The following CACNA1A variants were observed in gnomAD, a reference collection of about 807,000 sequenced individuals.
The protein encoded by CACNA1A is voltage-dependent P/Q-type calcium channel subunit alpha-1A.
A neutral mutation model predicts 262.4 loss-of-function variants in CACNA1A; 57 were observed. The ratio of observed to expected loss-of-function variants is 0.22; its 90% CI spans 0.18 to 0.27. The LOEUF (loss-of-function observed/expected upper bound fraction) is 0.27. Among genes scored for constraint, CACNA1A ranks in the 10% least tolerant of loss-of-function variants. CACNA1A has a pLI of 1.00. For synonymous variants in CACNA1A, 1,431 were observed against 1,419.3 expected, an observed-to-expected ratio of 1.01 and a Z score of -0.18; for missense variants, 2,526 against 3,562.8, an observed-to-expected ratio of 0.71 and a Z score of 7.41.
chr19:13,266,497 G>A (rs887635358), intron 24 of CACNA1A, among the ~76,000 whole-genome samples: 2 of 152,168 alleles, frequency 1.3e-5, no homozygotes, highest in Admixed American at 1.3e-4. Flanking sequence ...ACAATTGGGA[G>A]CATGTCTCCA....
chr19:13,247,511 G>A (rs1466306410), intron 30 of CACNA1A, among the ~76,000 whole-genome samples: 1 of 152,212 alleles, frequency 6.6e-6, no homozygotes, highest in African/African-American at 2.4e-5. Context: ...GGATAACATG[G>A]TGAATCCCCA....
intron 15 of CACNA1A, 92 bp downstream of exon 15, chr19:13,307,690 A>T (rs1391187413): frequency 2.0e-6 from 2 of 981,486 alleles, no homozygotes; most frequent in Admixed American, 1.9e-5. Context: ...GTAGAGAAGG[A>T]GGAGTTCAGG....
chr19:13,231,821 G>A lies in CACNA1A; in HGVS notation c.5289C>T (p.Ser1763=), dbSNP rs750255274. The A allele has an allele frequency of 6.2e-7, 1 of 1,613,690 alleles. No homozygotes were observed. Among genetic ancestry groups the A allele is most frequent in the African/African-American group, 1.3e-5 (1 of 74,916 alleles). The change falls in exon 35 of 47, where the codon TCC becomes TCT. Residue 1763 remains serine, a synonymous_variant. Transcript: ENST00000360228. The stretch of plus-strand genomic sequence containing the variant: ...TATCACACGGTTTCCCGCTGAGGCA[G>A]GAAAGCATGATGTTGTGCCAAGCTT... ...TGEAWHNIML[S]CLSGKPCDKN...
In CACNA1A at chr19:13,308,999, ATTTATT is replaced by A. The variant is rs1357863623; in HGVS notation, c.1669-477_1669-472del. 6.6e-6 allele frequency among the ~76,000 whole-genome samples: 1 copy of A among 150,494 alleles called. No individual in the cohort carries two copies. The highest frequency in any genetic ancestry group is 2.5e-5 in the African/African-American group (1 of 40,768). ...ACTGCACCCGGCCTCTTATTTATTT[ATTTATT>A]TTTATTTATTCATTTATTTTGAGAT... On this transcript the variant is annotated intron_variant, in intron 12 of 46. Coordinates refer to ENST00000360228, the MANE Select transcript of CACNA1A (RefSeq NM_001127222.2). This position sits in a 1 kb window ranked among gnomAD's most constrained non-coding sequence, Gnocchi z 4.2.
intron 3 of CACNA1A, among the ~76,000 whole-genome samples, chr19:13,383,992 T>A (rs1047994224): frequency 7.9e-5 from 12 of 152,100 alleles, no homozygotes; most frequent in Non-Finnish European, 1.6e-4. Flanking sequence ...TTTTTAATAT[T>A]TTTTTTGTAG....
At chr19:13,367,376 T>C (rs996767295) in intron 4 of CACNA1A, among the ~76,000 whole-genome samples, 2 of 150,126 alleles carry the variant, frequency 1.3e-5, no homozygotes, top group Non-Finnish European at 2.9e-5. Context: ...TGTTTGCCCA[T>C]GTGCTGATGT....
chr19:13,275,946 A>T lies in CACNA1A; in HGVS notation c.3893T>A (p.Leu1298Gln). The T allele has an allele frequency of 6.2e-7, 1 of 1,612,092 alleles. No individual in the cohort carries two copies. Among genetic ancestry groups the T allele is most frequent in the Non-Finnish European group, 8.5e-7 (1 of 1,178,230 alleles). Residue 1298 changes from leucine to glutamine, a missense_variant, in exon 24 of 47, where the codon CTG (leucine) becomes CAG (glutamine). Transcript: ENST00000360228. ...GGCACCCTGATGCAGGACGAGCCCC[A>T]GGTCAATCATCTGTGGGGGAGAAGA... Reference protein sequence around the residue: ...TFEMVIKMIDLGLVLHQGAYF... With the variant: ...TFEMVIKMIDQGLVLHQGAYF...
rs2057719269 is a variant in CACNA1A at position 13,298,587 on chromosome 19, C to T, written c.3046G>A (p.Asp1016Asn). The T allele has an allele frequency of 4.5e-6, 7 of 1,542,124 alleles. No individual in the cohort carries two copies. The highest frequency in any genetic ancestry group is 1.7e-4 in the Middle Eastern group (1 of 5,944). The change falls in exon 19 of 47, where the codon GAC (aspartate) becomes AAC (asparagine). Residue 1016 changes from aspartate (D) to asparagine (N), a missense_variant. Transcript: ENST00000360228. ...RHGAPATYEG[D>N]ARREDKERRH... The stretch of plus-strand genomic sequence containing the variant: ...CGCTCCTTGTCCTCCCTCCGCGCGT[C>T]CCCCTCGTACGTGGCTGGAGCGCCA...
At chr19:13,267,603 G>A (rs1383840213) in intron 24 of CACNA1A, among the ~76,000 whole-genome samples, 4 of 152,096 alleles carry the variant, frequency 2.6e-5, no homozygotes, top group African/African-American at 9.7e-5. Context: ...AAGTTGAGGG[G>A]ACCTGGGTTT....
intron 24 of CACNA1A, chr19:13,273,355 T>G (rs1163660019): frequency 6.6e-6 from 1 of 152,186 alleles, no homozygotes; most frequent in Admixed American, 6.6e-5. Context: ...CAGTGCTAAC[T>G]TGATAGGGAA....
chr19:13,266,709 G>A (rs1050396518), intron 24 of CACNA1A, among the ~76,000 whole-genome samples: 5 of 152,168 alleles, frequency 3.3e-5, no homozygotes, highest in African/African-American at 4.8e-5. Flanking sequence ...ATGTAGCTGG[G>A]ATTACAGGTG....
chr19:13,375,902 A>C (rs1183181834), intron 3 of CACNA1A, among the ~76,000 whole-genome samples: 1 of 152,228 alleles, frequency 6.6e-6, no homozygotes, highest in Non-Finnish European at 1.5e-5. Flanking sequence ...AAACACATGA[A>C]TGATAAGAAA....
chr19:13,356,270 A>G (rs1181687738), intron 6 of CACNA1A, among the ~76,000 whole-genome samples: 2 of 152,170 alleles, frequency 1.3e-5, no homozygotes, highest in Admixed American at 6.5e-5. Flanking sequence ...TCAGTTCTAA[A>G]CACTTCATGC....
intron 6 of CACNA1A, among the ~76,000 whole-genome samples, chr19:13,336,326 T>C (rs1289778642): frequency 6.6e-6 from 1 of 152,196 alleles, no homozygotes. Flanking sequence ...CAGAGTCTGA[T>C]GGCCTGGTGA....
chr19:13,446,890 C>T (rs896982858), intron 3 of CACNA1A, among the ~76,000 whole-genome samples: 7 of 151,974 alleles, frequency 4.6e-5, no homozygotes, highest in African/African-American at 1.7e-4. Context: ...GCACCCAGCT[C>T]ATGCAGAATG....
At chr19:13,261,745 G>C in intron 25 of CACNA1A, 135 bp from the exon 26 acceptor site, 1 of 803,988 alleles carries the variant, frequency 1.2e-6, no homozygotes, top group Middle Eastern at 3.4e-4. Flanking sequence ...AAGTCACTAG[G>C]GTAAGGTCCC....
intron 1 of CACNA1A, among the ~76,000 whole-genome samples, chr19:13,456,874 A>G (rs905023624): frequency 8.5e-5 from 13 of 152,330 alleles, no homozygotes; most frequent in African/African-American, 2.6e-4. Flanking sequence ...TAGGATAGCT[A>G]TTAAAAACAA....
intron 3 of CACNA1A, among the ~76,000 whole-genome samples, chr19:13,393,539 CGAAGCTGCAGCTGTT>C: frequency 7.2e-6 from 1 of 139,312 alleles, no homozygotes; most frequent in South Asian, 2.5e-4. Context: ...CTTCCTTCCT[CGAAGCTGCAGCTGTT>C]CCCTCCCTCC....
At chr19:13,307,535 A>C in intron 15 of CACNA1A, 1 of 457,612 alleles carries the variant, frequency 2.2e-6, no homozygotes. Context: ...TACCTGGCCA[A>C]AGTGCTGGGA....
Sources: allele counts gnomAD v4.1 joint callset (sites outside exome capture counted in the v4.1 genomes callset), GRCh38; gene constraint gnomAD v4.1.1; non-coding constraint Gnocchi (gnomAD v3.1); transcripts MANE v1.5; gene names NCBI Gene and HGNC (gene_info 2026-07-23, HGNC 2026-07-21).